Variants in FLOT2 observed in about 807,000 individuals in gnomAD.
FLOT2 encodes the protein flotillin-2.
A neutral mutation model predicts 54.9 loss-of-function variants in FLOT2; 35 were observed. The observed-to-expected ratio is 0.64, with a 90% confidence interval of 0.49 to 0.84. The LOEUF (loss-of-function observed/expected upper bound fraction) is 0.84. Ranked by LOEUF, FLOT2 falls within the 40% of genes least tolerant of loss-of-function variation. The probability of loss-of-function intolerance (pLI) is 0.00; values close to 1 mark genes in which losing one functional copy is unlikely to be tolerated. For missense variants in FLOT2, 464 were observed against 572.1 expected, an observed-to-expected ratio of 0.81 and a Z score of 1.93; for synonymous variants, 207 against 228.9, an observed-to-expected ratio of 0.90 and a Z score of 0.86.
rs999957478 is a variant in FLOT2, at chr17:28,884,541, C to T, written c.132-226G>A. 3.3e-5 allele frequency among the ~76,000 whole-genome samples: 5 copies of T among 152,266 alleles called. No individual in the cohort carries two copies. Among genetic ancestry groups the T allele is most frequent in the Admixed American group, 2.6e-4 (4 of 15,298 alleles). The stretch of plus-strand genomic sequence containing the variant: ...AGTGGAAGTGGGCTGCATATGTGCA[C>T]ACACCCTCTGCTCAAGTCAGCTGAG... On this transcript the variant is annotated intron_variant, in intron 2 of 10. Transcript: ENST00000394908. This position sits in a 1 kb window ranked among gnomAD's most constrained non-coding sequence, Gnocchi z 5.1.
chr17:28,892,894 G>T (rs1481688697), intron 1 of FLOT2: 1 of 152,292 alleles, frequency 6.6e-6, no homozygotes. Flanking sequence ...CAGGTGATCT[G>T]CCTGCCTTAG....
At chr17:28,889,597 GC>G (rs775908753) in intron 1 of FLOT2, among the ~76,000 whole-genome samples, 20 of 151,502 alleles carry the variant, frequency 1.3e-4, no homozygotes, top group Non-Finnish European at 2.6e-4. Context: ...CTCCCAAAGT[GC>G]TGGCATTACA....
chr17:28,897,379 T>C lies in FLOT2; in HGVS notation c.49+147A>G, dbSNP rs1453204653. 4.3e-6 allele frequency: 3 copies of C among 698,672 alleles called. No individual in the cohort carries two copies. The highest frequency in any genetic ancestry group is 6.9e-6 in the Non-Finnish European group (3 of 435,282). The allele number at this position is 698,672 out of a possible 1,614,324, so 43.3% of individuals were successfully genotyped here. ...AAGGAAAGCGTGAGCACGAGATCTCTCTTGGAAGGGGCCTCAGGTGCGGCC... is the reference window on the plus strand; with the variant it reads ...AAGGAAAGCGTGAGCACGAGATCTCCCTTGGAAGGGGCCTCAGGTGCGGCC... On this transcript the variant is annotated intron_variant, in intron 1 of 10. Transcript: ENST00000394908. The surrounding 1 kb of genome is among the most constrained non-coding windows in gnomAD (Gnocchi z 4.4).
chr17:28,890,043 T>TG (rs2039619876), intron 1 of FLOT2, among the ~76,000 whole-genome samples: 1 of 152,046 alleles, frequency 6.6e-6, no homozygotes, highest in African/African-American at 2.4e-5. Flanking sequence ...GGGACAACAC[T>TG]GGGGGGCTGG....
At position 28,882,285 on chromosome 17, in the gene FLOT2, G is replaced by C; in HGVS notation, c.580-48C>G. On this transcript the variant is annotated intron_variant, in intron 6 of 10. Transcript: ENST00000394908. The surrounding 1 kb of genome is among the most constrained non-coding windows in gnomAD (Gnocchi z 5.6). ...GGGAAGGTGAGTGAGTAGAGGTCCT[G>C]AGTCATCATGGTCCCATCACCCCTG... 6.2e-7 allele frequency: 1 copy of C among 1,614,012 alleles called. No homozygotes were observed. The highest frequency in any genetic ancestry group is 8.5e-7 in the Non-Finnish European group (1 of 1,179,974).
At position 28,897,650 on chromosome 17, in the gene FLOT2, C is replaced by A; in HGVS notation, c.-76G>T. The A allele has an allele frequency of 1.6e-6, 2 of 1,235,842 alleles. No homozygotes were observed. The highest frequency in any genetic ancestry group is 3.0e-4 in the Middle Eastern group (1 of 3,352). 76.6% of individuals were successfully genotyped at this position (1,235,842 alleles called of 1,614,324 possible). On this transcript the variant is annotated 5_prime_UTR_variant, in exon 1 of 11. Coordinates refer to ENST00000394908, the MANE Select transcript of FLOT2 (RefSeq NM_004475.3). The surrounding 1 kb of genome is among the most constrained non-coding windows in gnomAD (Gnocchi z 4.4). ...CAGCGGGTCTGCAGCGCCGGCCGCG[C>A]CCAGCCTATCCCGCCACCCCCAGCG...
rs997368038 is a variant in FLOT2, at chr17:28,883,421, A to C, written c.223-190T>G. 6.6e-6 allele frequency among the ~76,000 whole-genome samples: 1 copy of C among 152,094 alleles called. No individual in the cohort carries two copies. The highest frequency in any genetic ancestry group is 2.4e-5 in the African/African-American group (1 of 41,406). ...CAGCACAAGGGCTTCTCTCACTATG[A>C]AACTTCTCCTGCACTGACAGCCCCA... On this transcript the variant is annotated intron_variant, in intron 3 of 10. Transcript: ENST00000394908. The surrounding 1 kb of genome is among the most constrained non-coding windows in gnomAD (Gnocchi z 5.0).
intron 1 of FLOT2, among the ~76,000 whole-genome samples, chr17:28,895,699 C>T (rs2039729380): frequency 6.6e-6 from 1 of 152,136 alleles, no homozygotes; most frequent in South Asian, 2.1e-4. Flanking sequence ...TAAAATTATG[C>T]TTTTCTCCCC....
In FLOT2 at chr17:28,897,639, C is replaced by A. The variant is rs1429069491; in HGVS notation, c.-65G>T. 15 of 1,354,256 alleles carry A rather than the reference C, an allele frequency of 1.1e-5. No individual in the cohort carries two copies. The highest frequency in any genetic ancestry group is 1.5e-5 in the Non-Finnish European group (15 of 1,031,304). 83.9% of individuals were successfully genotyped at this position (1,354,256 alleles called of 1,614,324 possible). ...CCGGACAACAGCAGCGGGTCTGCAG[C>A]GCCGGCCGCGCCCAGCCTATCCCGC... is the stretch of plus-strand genomic sequence containing the variant. On this transcript the variant is annotated 5_prime_UTR_variant, in exon 1 of 11. Transcript: ENST00000394908. This position sits in a 1 kb window ranked among gnomAD's most constrained non-coding sequence, Gnocchi z 4.4.
chr17:28,882,161 A>G lies in FLOT2; in HGVS notation c.656T>C (p.Phe219Ser), dbSNP rs758088150. The change falls in exon 7 of 11, where the codon TTC becomes TCC. Residue 219 changes from phenylalanine (F) to serine (S), a missense_variant. Coordinates refer to ENST00000394908, the MANE Select transcript of FLOT2 (RefSeq NM_004475.3). This position sits in a 1 kb window ranked among gnomAD's most constrained non-coding sequence, Gnocchi z 5.6. ...DTKIADSKRAFELQKSAFSEE... is the reference protein window; with the variant it reads ...DTKIADSKRASELQKSAFSEE... ...ACTGAAGGCTGACTTTTGCAGCTCG[A>G]AGGCTCGCTTAGAGTCAGCAATCTT... The G allele has an allele frequency of 6.2e-7, 1 of 1,614,152 alleles. No homozygotes were observed.
chr17:28,889,420 C>T (rs2039606720), intron 1 of FLOT2, among the ~76,000 whole-genome samples: 2 of 151,908 alleles, frequency 1.3e-5, no homozygotes, highest in Admixed American at 6.6e-5. Flanking sequence ...ACCTCTGCCT[C>T]CTGGGTTCAA....
chr17:28,882,225 T>C lies in FLOT2; in HGVS notation c.592A>G (p.Lys198Glu). The change falls in exon 7 of 11, where the codon AAG (lysine) becomes GAG (glutamate). Residue 198 changes from lysine (K) to glutamate (E), a missense_variant. Coordinates refer to ENST00000394908, the MANE Select transcript of FLOT2 (RefSeq NM_004475.3). This position sits in a 1 kb window ranked among gnomAD's most constrained non-coding sequence, Gnocchi z 5.6. The stretch of plus-strand genomic sequence containing the variant: ...AACTTCACATCCAGCATCTCCTTCT[T>C]GCACTCAGCTTCCTGGGGACAAAAG... ...RDAGIREAEC[K>E]KEMLDVKFMA... 1.9e-6 allele frequency: 3 copies of C among 1,614,198 alleles called. No individual in the cohort carries two copies. Among genetic ancestry groups the C allele is most frequent in the Non-Finnish European group, 2.5e-6 (3 of 1,180,036 alleles).
At chr17:28,886,792 AG>A (rs996486861) in intron 2 of FLOT2, among the ~76,000 whole-genome samples, 47 of 152,228 alleles carry the variant, frequency 3.1e-4, no homozygotes, top group Non-Finnish European at 6.5e-4. Flanking sequence ...AAGCAGGTGG[AG>A]GGGGTGATAA....
chr17:28,885,335 A>G (rs1260204991), intron 2 of FLOT2, among the ~76,000 whole-genome samples: 1 of 152,126 alleles, frequency 6.6e-6, no homozygotes, highest in Non-Finnish European at 1.5e-5. Flanking sequence ...ATGCAGAGGG[A>G]GGGGGTGAGA....
At chr17:28,886,508 G>GGGA (rs1485052120) in intron 2 of FLOT2, among the ~76,000 whole-genome samples, 2 of 152,360 alleles carry the variant, frequency 1.3e-5, no homozygotes, top group African/African-American at 4.8e-5. Context: ...GGAAGGCTGG[G>GGGA]GGAGAGTGTG....
At position 28,882,803 on chromosome 17, in the gene FLOT2, G is replaced by T; in HGVS notation, c.347-112C>A. 1.4e-6 allele frequency: 1 copy of T among 738,486 alleles called. No homozygotes were observed. Among genetic ancestry groups the T allele is most frequent in the Non-Finnish European group, 2.3e-6 (1 of 427,780 alleles). The allele number at this position is 738,486 out of a possible 1,614,324, so 45.7% of individuals were successfully genotyped here. A position where few individuals can be genotyped will look rare whatever the true frequency, so the allele number is the denominator to read the frequency against. ...ATGCGGGGTGCTGCACTCTGAGCTG[G>T]GTCTTCCTGGGGTATCTTCTCAACA... On this transcript the variant is annotated intron_variant, in intron 4 of 10. Transcript: ENST00000394908. The surrounding 1 kb of genome is among the most constrained non-coding windows in gnomAD (Gnocchi z 5.6).
At chr17:28,888,823 C>CCCCA in intron 2 of FLOT2, 122 bp downstream of exon 2, 1 of 662,224 alleles carries the variant, frequency 1.5e-6, no homozygotes, top group Non-Finnish European at 2.7e-6. Context: ...CCTCCACCGC[C>CCCCA]AGAATGGAAT....
chr17:28,879,799 A>G lies in FLOT2; in HGVS notation c.*762T>C. 1.0e-6 allele frequency: 1 copy of G among 986,112 alleles called. No individual in the cohort carries two copies. The highest frequency in any genetic ancestry group is 1.2e-6 in the Non-Finnish European group (1 of 830,144). 61.1% of individuals were successfully genotyped at this position (986,112 alleles called of 1,614,324 possible). On this transcript the variant is annotated 3_prime_UTR_variant, in exon 11 of 11. Coordinates refer to ENST00000394908, the MANE Select transcript of FLOT2 (RefSeq NM_004475.3). ...CAGAAAACTTAGCAGAGTTGGGACCAAACCGCACCGCCCCAGCAGGAACAT... is the reference window on the plus strand; with the variant it reads ...CAGAAAACTTAGCAGAGTTGGGACCGAACCGCACCGCCCCAGCAGGAACAT...
At chr17:28,885,769 G>C in intron 2 of FLOT2, 1 of 828,602 alleles carries the variant, frequency 1.2e-6, no homozygotes, top group East Asian at 2.6e-5. Flanking sequence ...GGTCTCAGGA[G>C]GGGAGTCCAT....
Sources: allele counts gnomAD v4.1 joint callset (sites outside exome capture counted in the v4.1 genomes callset), GRCh38; gene constraint gnomAD v4.1.1; non-coding constraint Gnocchi (gnomAD v3.1); transcripts MANE v1.5; gene names NCBI Gene and HGNC (gene_info 2026-07-23, HGNC 2026-07-21).